Variants in FBXO11 observed in about 807,000 individuals in gnomAD.
The protein encoded by FBXO11 is F-box protein 11, also known as F-box only protein 11.
A neutral mutation model predicts 117.0 loss-of-function variants in FBXO11; 13 were observed. The ratio of observed to expected loss-of-function variants is 0.11; its 90% CI spans 0.07 to 0.18. FBXO11 has a LOEUF of 0.18. FBXO11 is among the 10% of genes least tolerant of loss of function. FBXO11 has a pLI of 1.00. For synonymous variants in FBXO11, 490 were observed against 380.5 expected (o/e 1.29, Z -3.35); for missense variants, 767 against 1,164.4 (o/e 0.66, Z 4.97).
intron 11 of FBXO11, among the ~76,000 whole-genome samples, chr2:47,826,277 T>TC (rs1389118006): frequency 1.3e-5 from 2 of 151,546 alleles, no homozygotes; most frequent in African/African-American, 4.8e-5. Flanking sequence ...CAGGATGGTC[T>TC]CGATCTCCTA....
chr2:47,878,998 A>C lies in FBXO11; in HGVS notation c.232+26491T>G, dbSNP rs542194643. 4.0e-5 allele frequency among the ~76,000 whole-genome samples: 6 copies of C among 150,634 alleles called. No homozygotes were observed. In the South Asian group the frequency reaches 1.3e-3, roughly 32 times the overall value. On this transcript the variant is annotated intron_variant, in intron 1 of 22. Transcript: ENST00000403359. ...AACAAAACAAAAAAGCCTCCCTCCC[A>C]ATCTTTCCACGTATTCAGTTCCTCT...
At chr2:47,820,593 A>T in intron 13 of FBXO11, 137 bp from the exon 14 acceptor site, 1 of 634,480 alleles carries the variant, frequency 1.6e-6, no homozygotes, top group Non-Finnish European at 2.7e-6. Flanking sequence ...GAGAACTAGA[A>T]GTGTAAATAG....
At chr2:47,840,846 T>A (rs1196814541) in intron 1 of FBXO11, among the ~76,000 whole-genome samples, 1 of 146,392 alleles carries the variant, frequency 6.8e-6, no homozygotes, top group East Asian at 2.0e-4. Context: ...AATAATACTT[T>A]AAAAATTAAA....
intron 7 of FBXO11, among the ~76,000 whole-genome samples, chr2:47,833,996 A>T (rs2104818530): frequency 6.6e-6 from 1 of 152,284 alleles, no homozygotes; most frequent in African/African-American, 2.4e-5. Context: ...AAAAGATGAA[A>T]AAGCTATTTT....
chr2:47,848,491 T>C (rs528271241), intron 1 of FBXO11, among the ~76,000 whole-genome samples: 1 of 152,302 alleles, frequency 6.6e-6, no homozygotes, highest in East Asian at 1.9e-4. Context: ...CTGTCTTCCA[T>C]AAAACCAGTC....
intron 1 of FBXO11, among the ~76,000 whole-genome samples, chr2:47,877,495 A>G (rs1045870191): frequency 2.0e-5 from 3 of 152,098 alleles, no homozygotes; most frequent in Non-Finnish European, 4.4e-5. Context: ...TTTCCCTCTG[A>G]TGAAGGTGTT....
chr2:47,866,591 A>T (rs577273521), intron 1 of FBXO11, among the ~76,000 whole-genome samples: 84 of 151,606 alleles, frequency 5.5e-4, no homozygotes, highest in Middle Eastern at 3.4e-3. Flanking sequence ...CTCCTGCCTC[A>T]GCCTCCCGAG....
intron 1 of FBXO11, among the ~76,000 whole-genome samples, chr2:47,860,722 A>T (rs1674698457): frequency 6.6e-6 from 1 of 150,786 alleles, no homozygotes; most frequent in East Asian, 2.0e-4. Flanking sequence ...TGGGTTATTA[A>T]CTAAGGCTAA....
At chr2:47,834,344 T>C (rs1460242314) in intron 7 of FBXO11, among the ~76,000 whole-genome samples, 1 of 151,322 alleles carries the variant, frequency 6.6e-6, no homozygotes, top group Non-Finnish European at 1.5e-5. Context: ...AGCTAGACTC[T>C]GCATCAAAAA....
At chr2:47,858,866 C>A (rs1572858288) in intron 1 of FBXO11, among the ~76,000 whole-genome samples, 1 of 150,598 alleles carries the variant, frequency 6.6e-6, no homozygotes, top group African/African-American at 2.4e-5. Context: ...TGGTGAAACC[C>A]CGTCTCTACT....
chr2:47,817,597 T>A (rs1242762465), intron 16 of FBXO11, among the ~76,000 whole-genome samples: 1 of 152,216 alleles, frequency 6.6e-6, no homozygotes, highest in East Asian at 1.9e-4. Flanking sequence ...CTTCATCATT[T>A]CTAGCTTTTG....
At chr2:47,826,633 G>C (rs908686685) in intron 11 of FBXO11, among the ~76,000 whole-genome samples, 1 of 152,150 alleles carries the variant, frequency 6.6e-6, no homozygotes, top group African/African-American at 2.4e-5. Context: ...GGTTAGATTA[G>C]TGTGCTATTC....
chr2:47,858,755 A>G (rs965708779), intron 1 of FBXO11, among the ~76,000 whole-genome samples: 7 of 151,410 alleles, frequency 4.6e-5, no homozygotes, highest in African/African-American at 1.7e-4. Flanking sequence ...TGACTTATCT[A>G]GAAAAAGGGT....
intron 1 of FBXO11, among the ~76,000 whole-genome samples, chr2:47,882,198 CA>C (rs1302476082): frequency 2.0e-5 from 3 of 152,218 alleles, no homozygotes; most frequent in Non-Finnish European, 4.4e-5. Context: ...TCCTTAAGAA[CA>C]ATGTGACTGG....
intron 1 of FBXO11, among the ~76,000 whole-genome samples, chr2:47,871,762 T>C (rs1430359743): frequency 6.6e-6 from 1 of 152,210 alleles, no homozygotes; most frequent in Non-Finnish European, 1.5e-5. Context: ...TCTTTTCCCA[T>C]ACTATCATGA....
chr2:47,848,093 C>G (rs747014277), intron 1 of FBXO11, among the ~76,000 whole-genome samples: 26 of 152,048 alleles, frequency 1.7e-4, no homozygotes, highest in Non-Finnish European at 3.2e-4. Flanking sequence ...CACTGCACTC[C>G]AGCCTGGGCG....
intron 1 of FBXO11, among the ~76,000 whole-genome samples, chr2:47,881,616 T>C (rs539164781): frequency 6.6e-6 from 1 of 152,372 alleles, no homozygotes; most frequent in South Asian, 2.1e-4. Context: ...ATCTGTGATG[T>C]TTAAACATCT....
At chr2:47,905,399 C>T in intron 1 of FBXO11, 90 bp downstream of exon 1, 12 of 1,062,778 alleles carry the variant, frequency 1.1e-5, no homozygotes, top group Non-Finnish European at 1.4e-5. Flanking sequence ...GCGCGCAGGC[C>T]GCCCCCGCCC....
At chr2:47,877,468 C>A (rs374462485) in intron 1 of FBXO11, among the ~76,000 whole-genome samples, 1 of 152,144 alleles carries the variant, frequency 6.6e-6, no homozygotes, top group African/African-American at 2.4e-5. Context: ...TGTATCAGTA[C>A]ACAGAAAACA....
Sources: allele counts gnomAD v4.1 joint callset (sites outside exome capture counted in the v4.1 genomes callset), GRCh38; gene constraint gnomAD v4.1.1; transcripts MANE v1.5; gene names NCBI Gene and HGNC (gene_info 2026-07-23, HGNC 2026-07-21).